Variants in PTPRD observed in about 807,000 individuals in gnomAD.
PTPRD encodes the protein receptor-type tyrosine-protein phosphatase delta.
Under a neutral mutation model 214.5 loss-of-function variants are expected in PTPRD, and 34 were observed. The observed-to-expected ratio is 0.16, with a 90% CI of 0.12 to 0.21. The LOEUF (loss-of-function observed/expected upper bound fraction) is 0.21. Among genes scored for constraint, PTPRD ranks in the 10% least tolerant of loss-of-function variants. The probability of loss-of-function intolerance (pLI) is 1.00; values close to 1 mark genes in which losing one functional copy is unlikely to be tolerated. For synonymous variants in PTPRD, 1,128 were observed against 845.7 expected (o/e 1.33, Z -5.79); for missense variants, 2,545 against 2,398.7 (o/e 1.06, Z -1.27).
At chr9:8,657,896 C>G (rs2096945720) in intron 12 of PTPRD, among the ~76,000 whole-genome samples, 1 of 152,006 alleles carries the variant, frequency 6.6e-6, no homozygotes, top group African/African-American at 2.4e-5. Context: ...CAAATTATTT[C>G]TTATAATAAT....
chr9:10,062,685 T>A (rs1043749200), intron 3 of PTPRD, among the ~76,000 whole-genome samples: 1 of 147,874 alleles, frequency 6.8e-6, no homozygotes, highest in Non-Finnish European at 1.5e-5. Flanking sequence ...TAGGGAGAGG[T>A]ACCCTACTTA....
intron 11 of PTPRD, among the ~76,000 whole-genome samples, chr9:8,784,628 C>G (rs1228275825): frequency 7.4e-6 from 1 of 135,466 alleles, no homozygotes; most frequent in African/African-American, 2.4e-5. Flanking sequence ...GAGTGTGCCT[C>G]TGAGAAAGAG....
At chr9:8,923,368 A>G (rs549100993) in intron 11 of PTPRD, among the ~76,000 whole-genome samples, 3 of 152,110 alleles carry the variant, frequency 2.0e-5, no homozygotes, top group Non-Finnish European at 4.4e-5. Context: ...TTATTTTAGA[A>G]GTTACTCAGC....
At chr9:9,004,869 C>G (rs1283947634) in intron 11 of PTPRD, among the ~76,000 whole-genome samples, 1 of 151,980 alleles carries the variant, frequency 6.6e-6, no homozygotes, top group East Asian at 1.9e-4. Context: ...CAAAACAAAA[C>G]AAAACTCCAA....
intron 8 of PTPRD, among the ~76,000 whole-genome samples, chr9:9,481,541 A>T (rs2095415592): frequency 6.6e-6 from 1 of 152,194 alleles, no homozygotes; most frequent in Non-Finnish European, 1.5e-5. Flanking sequence ...ATTTTAATTT[A>T]TTTAAAATCA....
At chr9:9,531,827 T>C (rs1046480529) in intron 8 of PTPRD, among the ~76,000 whole-genome samples, 2 of 152,102 alleles carry the variant, frequency 1.3e-5, no homozygotes, top group Admixed American at 1.3e-4. Context: ...AACAGTTCTT[T>C]TTAAATAAGA....
intron 44 of PTPRD, among the ~76,000 whole-genome samples, chr9:8,322,879 G>C (rs919597988): frequency 1.2e-4 from 18 of 152,170 alleles, no homozygotes; most frequent in Non-Finnish European, 2.1e-4. Context: ...GGCTCATGCA[G>C]CTGGTGACAT....
chr9:9,253,931 C>T (rs185872105), intron 9 of PTPRD, among the ~76,000 whole-genome samples: 91 of 152,178 alleles, frequency 6.0e-4, no homozygotes, highest in East Asian at 2.7e-3. Context: ...CCTAGTTCAG[C>T]CTCTGGCAGT....
At chr9:9,637,910 C>G (rs1004622737) in intron 7 of PTPRD, among the ~76,000 whole-genome samples, 14 of 152,186 alleles carry the variant, frequency 9.2e-5, no homozygotes, top group Non-Finnish European at 1.6e-4. Flanking sequence ...CTTCACAGAT[C>G]TATACTCTGT....
intron 2 of PTPRD, among the ~76,000 whole-genome samples, chr9:10,393,504 G>T (rs2098111631): frequency 6.6e-6 from 1 of 151,416 alleles, no homozygotes; most frequent in African/African-American, 2.4e-5. Context: ...AATAGAAACT[G>T]ATGGGGCCAG....
chr9:8,860,553 T>C (rs556878696), intron 11 of PTPRD: 1 of 152,268 alleles, frequency 6.6e-6, no homozygotes, highest in African/African-American at 2.4e-5. Flanking sequence ...AAACGGGAGA[T>C]ACAGCAAATA....
intron 12 of PTPRD, among the ~76,000 whole-genome samples, chr9:8,682,288 C>T (rs577889522): frequency 2.0e-5 from 3 of 152,278 alleles, no homozygotes; most frequent in East Asian, 1.9e-4. Context: ...CGACTCCTAC[C>T]GGGATATACC....
At chr9:9,874,605 T>C (rs1327719690) in intron 5 of PTPRD, among the ~76,000 whole-genome samples, 1 of 152,212 alleles carries the variant, frequency 6.6e-6, no homozygotes, top group East Asian at 1.9e-4. Flanking sequence ...ATCATTCTAA[T>C]TCCTCGTTCT....
chr9:10,129,597 A>T lies in PTPRD; in HGVS notation c.-544-95807T>A, dbSNP rs113270617. 6.7e-3 allele frequency among the ~76,000 whole-genome samples: 1,016 copies of T among 151,358 alleles called. 13 individuals carry two copies. The highest frequency in any genetic ancestry group is 0.022 in the African/African-American group (917 of 41,256). On this transcript the variant is annotated intron_variant, in intron 3 of 45. Coordinates refer to ENST00000381196, the MANE Select transcript of PTPRD (RefSeq NM_002839.4). The stretch of plus-strand genomic sequence containing the variant: ...CTACTATCAAGAAATCAGTTGCCAA[A>T]TAAATGCTAGTGACAACCAGGTCTG...
At chr9:9,174,440 C>G (rs2099923362) in intron 10 of PTPRD, among the ~76,000 whole-genome samples, 1 of 152,138 alleles carries the variant, frequency 6.6e-6, no homozygotes, top group African/African-American at 2.4e-5. Context: ...TTTATACATA[C>G]TCCTATTGGC....
intron 11 of PTPRD, among the ~76,000 whole-genome samples, chr9:8,841,417 T>A (rs191009853): frequency 6.6e-5 from 10 of 152,260 alleles, no homozygotes; most frequent in African/African-American, 2.4e-4. Flanking sequence ...TATAAACAAA[T>A]AGAAACAAGC....
chr9:8,841,794 T>C (rs1331520088), intron 11 of PTPRD, among the ~76,000 whole-genome samples: 1 of 151,818 alleles, frequency 6.6e-6, no homozygotes, highest in Non-Finnish European at 1.5e-5. Flanking sequence ...GGTGGATCAT[T>C]TGAGGTCAAG....
At chr9:10,419,480 A>T (rs1480086641) in intron 2 of PTPRD, among the ~76,000 whole-genome samples, 6 of 151,938 alleles carry the variant, frequency 3.9e-5, no homozygotes, top group African/African-American at 1.4e-4. Context: ...AAAGACTGAG[A>T]TAAAGATAAA....
At chr9:10,369,726 G>C (rs761057971) in intron 2 of PTPRD, among the ~76,000 whole-genome samples, 85 of 151,932 alleles carry the variant, frequency 5.6e-4, no homozygotes, top group Non-Finnish European at 1.1e-3. Context: ...GACGGCTTCT[G>C]GATCAGACAG....
Sources: allele counts gnomAD v4.1 joint callset (sites outside exome capture counted in the v4.1 genomes callset), GRCh38; gene constraint gnomAD v4.1.1; transcripts MANE v1.5; gene names NCBI Gene and HGNC (gene_info 2026-07-23, HGNC 2026-07-21).